The following ZNF385D variants were observed in gnomAD, a reference collection of about 807,000 sequenced individuals.
ZNF385D encodes zinc finger protein 385D.
Under a neutral mutation model 35.8 loss-of-function variants are expected in ZNF385D, and 15 were observed. That is an observed-to-expected ratio of 0.42 (90% CI 0.28 to 0.64). The LOEUF (loss-of-function observed/expected upper bound fraction) is 0.64. Ranked by LOEUF, ZNF385D falls within the 30% of genes least tolerant of loss-of-function variation. The pLI, the probability that ZNF385D is intolerant of heterozygous loss-of-function variation, is 0.23. For missense variants in ZNF385D, 474 were observed against 494.6 expected, an observed-to-expected ratio of 0.96 and a Z score of 0.39; for synonymous variants, 212 against 186.8, an observed-to-expected ratio of 1.13 and a Z score of -1.10.
intron 3 of ZNF385D, among the ~76,000 whole-genome samples, chr3:21,783,694 G>T (rs541253873): frequency 6.6e-6 from 1 of 152,140 alleles, no homozygotes; most frequent in East Asian, 1.9e-4. Context: ...CTGCATGCAC[G>T]AAGAACACCG....
chr3:22,363,360 G>A lies in ZNF385D; in HGVS notation c.106+9090C>T, dbSNP rs143370304. Among the ~76,000 whole-genome samples, 847 of 152,246 alleles carry A rather than the reference G, an allele frequency of 5.6e-3. 10 individuals are homozygous for A. Among genetic ancestry groups the A allele is most frequent in the African/African-American group, 0.019 (808 of 41,540 alleles). ...CCACTGTCAAAAGCATCATTAAAAGGGGAAAAATGGATAGGGCATTGTCTA... is the reference window on the plus strand; with the variant it reads ...CCACTGTCAAAAGCATCATTAAAAGAGGAAAAATGGATAGGGCATTGTCTA... On this transcript the variant is annotated intron_variant, in intron 2 of 5. Transcript: ENST00000494108.
At chr3:22,205,707 A>G (rs1429648099) in intron 2 of ZNF385D, among the ~76,000 whole-genome samples, 3 of 152,128 alleles carry the variant, frequency 2.0e-5, no homozygotes, top group African/African-American at 7.2e-5. Flanking sequence ...GTTACAAGAT[A>G]TTATTTGCAA....
chr3:22,085,431 GAGA>G (rs1559357232), intron 3 of ZNF385D, among the ~76,000 whole-genome samples: 1 of 152,152 alleles, frequency 6.6e-6, no homozygotes, highest in African/African-American at 2.4e-5. Flanking sequence ...ACTATCATCA[GAGA>G]ATACTATAAA....
intron 3 of ZNF385D, among the ~76,000 whole-genome samples, chr3:21,958,533 C>G (rs1408877351): frequency 6.6e-6 from 1 of 151,986 alleles, no homozygotes; most frequent in Non-Finnish European, 1.5e-5. Flanking sequence ...GTTGATATCA[C>G]TCTTATTTGT....
chr3:21,921,254 C>G (rs1200804854), intron 3 of ZNF385D, among the ~76,000 whole-genome samples: 1 of 145,926 alleles, frequency 6.9e-6, no homozygotes, highest in African/African-American at 2.5e-5. Context: ...TACTGAAGAA[C>G]GAAGCATCAA....
At position 21,866,855 on chromosome 3, in the gene ZNF385D, G is replaced by A. The variant is rs563414187; in HGVS notation, c.326-201827C>T. ...ATTAAAATACAAAGGCCTGCCTAGGGCCCACATCTTTGGGCTTAAGATAGG... is the reference window on the plus strand; with the variant it reads ...ATTAAAATACAAAGGCCTGCCTAGGACCCACATCTTTGGGCTTAAGATAGG... On this transcript the variant is annotated intron_variant, in intron 3 of 5. Coordinates refer to the ZNF385D transcript ENST00000494108. 3.7e-4 allele frequency among the ~76,000 whole-genome samples: 56 copies of A among 152,222 alleles called. 1 individual carries two copies. In the South Asian group the frequency reaches 6.0e-3, roughly 16 times the overall value.
At chr3:22,349,959 T>A (rs548315756) in intron 2 of ZNF385D, among the ~76,000 whole-genome samples, 168 of 152,286 alleles carry the variant, frequency 1.1e-3, no homozygotes, top group Non-Finnish European at 2.1e-3. Flanking sequence ...ATAATAATAA[T>A]GCAATGCATA....
intron 2 of ZNF385D, among the ~76,000 whole-genome samples, chr3:21,589,106 A>G (rs1475859013): frequency 4.6e-5 from 7 of 152,214 alleles, no homozygotes; most frequent in Non-Finnish European, 8.8e-5. Flanking sequence ...AGTATTGGAA[A>G]AAATAAGGGA....
chr3:22,040,565 T>G (rs1698602987), intron 3 of ZNF385D, among the ~76,000 whole-genome samples: 1 of 152,174 alleles, frequency 6.6e-6, no homozygotes, highest in East Asian at 1.9e-4. Context: ...GAAATAATGA[T>G]AATCACACAT....
intron 3 of ZNF385D, among the ~76,000 whole-genome samples, chr3:21,543,588 A>T (rs1313858136): frequency 6.6e-6 from 1 of 152,108 alleles, no homozygotes; most frequent in Non-Finnish European, 1.5e-5. Context: ...GTTCTACTCC[A>T]TCCGACAGTA....
intron 3 of ZNF385D, among the ~76,000 whole-genome samples, chr3:21,912,557 G>A (rs1700013242): frequency 6.6e-6 from 1 of 151,998 alleles, no homozygotes; most frequent in South Asian, 2.1e-4. Flanking sequence ...GCCATTCGAA[G>A]CACTCCAGTG....
At chr3:21,424,180 CAAAAAT>C (rs1700875971) in intron 6 of ZNF385D, 116 bp from the exon 7 acceptor site, 1 of 895,140 alleles carries the variant, frequency 1.1e-6, no homozygotes, top group Non-Finnish European at 1.6e-6. Flanking sequence ...TTCAGAAAGA[CAAAAAT>C]AAAAGATCAT....
chr3:22,178,978 G>GT (rs200739634), intron 2 of ZNF385D, among the ~76,000 whole-genome samples: 30,853 of 152,014 alleles, frequency 0.2, 3,231 homozygotes, highest in African/African-American at 0.24. Flanking sequence ...TGCTGTTTTG[G>GT]TTACAGTAGC....
chr3:22,208,557 A>G (rs1299984), intron 2 of ZNF385D, among the ~76,000 whole-genome samples: 3 of 151,760 alleles, frequency 2.0e-5, no homozygotes, highest in Non-Finnish European at 4.4e-5. Context: ...GTAAATAAAT[A>G]AAAGTATATA....
intron 3 of ZNF385D, among the ~76,000 whole-genome samples, chr3:22,143,963 G>A (rs906498237): frequency 6.6e-6 from 1 of 151,968 alleles, no homozygotes; most frequent in Admixed American, 6.6e-5. Context: ...GTATAATAGG[G>A]GTTCAAAGTA....
intron 3 of ZNF385D, among the ~76,000 whole-genome samples, chr3:22,125,525 T>G (rs985405206): frequency 2.6e-5 from 4 of 152,132 alleles, no homozygotes; most frequent in Non-Finnish European, 4.4e-5. Context: ...TTTAACAATA[T>G]TATTTTTCCA....
At chr3:21,654,367 A>G (rs1300421375) in intron 2 of ZNF385D, among the ~76,000 whole-genome samples, 2 of 152,090 alleles carry the variant, frequency 1.3e-5, no homozygotes, top group Non-Finnish European at 2.9e-5. Flanking sequence ...CTTTTACTCT[A>G]CTACTGTCTT....
Position 21,963,218 on chromosome 3 carries a change from G to C in ZNF385D, c.325+205599C>G, listed in dbSNP as rs140127037. Among the ~76,000 whole-genome samples the C allele has an allele frequency of 9.4e-3, 1,429 of 152,244 alleles. 29 individuals carry two copies. Among genetic ancestry groups the C allele is most frequent in the African/African-American group, 0.032 (1,309 of 41,546 alleles). ...TATAACTCTGTGGCAGCAGTCATGT[G>C]GGAGAAGTTTATCACCTGTGTAGGT... On this transcript the variant is annotated intron_variant, in intron 3 of 5. Coordinates refer to the ZNF385D transcript ENST00000494108.
chr3:22,142,750 C>T (rs1016711255), intron 3 of ZNF385D, among the ~76,000 whole-genome samples: 9 of 152,028 alleles, frequency 5.9e-5, no homozygotes, highest in Admixed American at 4.6e-4. Context: ...GAGTTTATTT[C>T]CCAGCTTCCT....
Sources: allele counts gnomAD v4.1 joint callset (sites outside exome capture counted in the v4.1 genomes callset), GRCh38; gene constraint gnomAD v4.1.1; transcripts MANE v1.5; gene names NCBI Gene and HGNC (gene_info 2026-07-23, HGNC 2026-07-21).